MARCO: variants seen among roughly 807,000 people sequenced by gnomAD.
The protein encoded by MARCO is macrophage receptor with collagenous structure.
MARCO carries 72 observed loss-of-function variants against 70.0 expected under a neutral mutation model. That is an observed-to-expected ratio of 1.03 (90% confidence interval 0.85 to 1.25). MARCO has a LOEUF of 1.25. MARCO is among the 50% of genes most tolerant of loss of function. The pLI is 0.00. For synonymous variants in MARCO, 273 were observed against 243.1 expected, an observed-to-expected ratio of 1.12 and a Z score of -1.14; for missense variants, 696 against 659.3, an observed-to-expected ratio of 1.06 and a Z score of -0.61.
chr2:118,972,612 C>T (rs1680194383), intron 4 of MARCO, among the ~76,000 whole-genome samples: 1 of 152,128 alleles, frequency 6.6e-6, no homozygotes, highest in African/African-American at 2.4e-5. Context: ...ACCTCTTAGT[C>T]CAGTGTCCAG....
In MARCO at chr2:118,977,522, T is replaced by A. The variant is rs1381338809; in HGVS notation, c.658+7T>A. On this transcript the variant is annotated splice_region_variant and intron_variant, in intron 7 of 16. Transcript: ENST00000327097. ...GGGAAGCAAGGAGCCACTGGTAACTTGTACTTGCTCTGCTAGGGACAAATG... is the reference window on the plus strand; with the variant it reads ...GGGAAGCAAGGAGCCACTGGTAACTAGTACTTGCTCTGCTAGGGACAAATG... 4 of 1,613,586 alleles carry A rather than the reference T, an allele frequency of 2.5e-6. No individual in the cohort carries two copies. The South Asian group carries it at 4.4e-5, about 18-fold the overall frequency.
chr2:118,974,053 C>T (rs1208089885), intron 4 of MARCO, among the ~76,000 whole-genome samples: 5 of 152,146 alleles, frequency 3.3e-5, no homozygotes, highest in Non-Finnish European at 7.3e-5. Context: ...GATGAGGGAG[C>T]TGAGGCTCAA....
intron 1 of MARCO, among the ~76,000 whole-genome samples, chr2:118,967,452 C>T (rs1318139200): frequency 6.6e-6 from 1 of 152,072 alleles, no homozygotes; most frequent in East Asian, 1.9e-4. Context: ...AGCAGTGAGC[C>T]CCCACTGAAG....
intron 5 of MARCO, 27 bp from the exon 6 acceptor site, chr2:118,974,494 T>C: frequency 6.2e-7 from 1 of 1,613,808 alleles, no homozygotes; most frequent in Non-Finnish European, 8.5e-7. Flanking sequence ...TTCTCTGGCT[T>C]CACTCTGAAT....
At chr2:118,949,882 A>G (rs1333756309) in intron 1 of MARCO, 1 of 152,172 alleles carries the variant, frequency 6.6e-6, no homozygotes, top group African/African-American at 2.4e-5. Flanking sequence ...GCTGATGCTG[A>G]TGTACTGGAA....
rs781463416 is a variant in MARCO at position 118,969,259 on chromosome 2, A to G, written c.197A>G (p.Gln66Arg). 1 of 1,613,840 alleles carries G rather than the reference A, an allele frequency of 6.2e-7. No homozygotes were observed. The highest frequency in any genetic ancestry group is 1.1e-5 in the South Asian group (1 of 91,062). The change falls in exon 2 of 17, where the codon CAA becomes CGA. Residue 66 changes from glutamine to arginine, a missense_variant and splice_region_variant. Around this residue, in one of 3 missense-constraint regions of MARCO, gnomAD observed 605 missense variants for 537.6 expected, o/e 1.13. Transcript: ENST00000327097. The stretch of plus-strand genomic sequence containing the variant: ...GCTGGCGCTGGGCTGCTGGTGGTCC[A>G]AGGTAAAGCAGGCTTGGTCCTGTGT... ...LTAGAGLLVVQVLNLQARLRV... is the reference protein window; with the variant it reads ...LTAGAGLLVVRVLNLQARLRV...
At chr2:118,945,404 C>CTTTTTTTT (rs55684033) in intron 1 of MARCO, among the ~76,000 whole-genome samples, 19 of 123,046 alleles carry the variant, frequency 1.5e-4, no homozygotes, top group East Asian at 2.4e-4. Flanking sequence ...CCTCTTGTTT[C>CTTTTTTTT]TTTTTTTTTT....
At chr2:118,951,757 G>T (rs2104551077) in intron 1 of MARCO, among the ~76,000 whole-genome samples, 1 of 152,252 alleles carries the variant, frequency 6.6e-6, no homozygotes, top group African/African-American at 2.4e-5. Flanking sequence ...AATGACTAGG[G>T]TACAGTTTTC....
chr2:118,953,141 G>C (rs1679757219), intron 1 of MARCO, among the ~76,000 whole-genome samples: 1 of 152,242 alleles, frequency 6.6e-6, no homozygotes, highest in Non-Finnish European at 1.5e-5. Context: ...TAAGTACAGG[G>C]AAGAGCAAAG....
chr2:118,978,113 A>G (rs1281897607), intron 8 of MARCO, among the ~76,000 whole-genome samples, 178 bp downstream of exon 8: 1 of 152,142 alleles, frequency 6.6e-6, no homozygotes, highest in Non-Finnish European at 1.5e-5. Flanking sequence ...GAGATGCAAT[A>G]TGAGAGGGAG....
Position 118,970,184 on chromosome 2 carries a change from C to G in MARCO, c.270C>G (p.Asp90Glu). The G allele has an allele frequency of 6.2e-7, 1 of 1,614,188 alleles. No homozygotes were observed. The change falls in exon 3 of 17, where the codon GAC becomes GAG. Residue 90 changes from aspartate to glutamate, a missense_variant. Coordinates refer to ENST00000327097, the MANE Select transcript of MARCO (RefSeq NM_006770.4). ...TCAATGACACTCTGGCGGCTGAGGACAGCCCGTCCTTCTCCTTGCTGCAGT... is the reference window on the plus strand; with the variant it reads ...TCAATGACACTCTGGCGGCTGAGGAGAGCCCGTCCTTCTCCTTGCTGCAGT... The part of the protein sequence containing the change: ...YFLNDTLAAE[D>E]SPSFSLLQSA...
chr2:118,977,680 C>T, intron 7 of MARCO, 148 bp from the exon 8 acceptor site: 5 of 732,322 alleles, frequency 6.8e-6, no homozygotes, highest in Non-Finnish European at 1.1e-5. Flanking sequence ...TTCTTCAAGA[C>T]CACCCAAGAA....
intron 6 of MARCO, among the ~76,000 whole-genome samples, chr2:118,975,527 T>C (rs1680262962): frequency 6.6e-6 from 1 of 152,200 alleles, no homozygotes; most frequent in African/African-American, 2.4e-5. Context: ...AGCCTATTGA[T>C]CTGTGTCCAG....
At chr2:118,964,176 A>G (rs905515130) in intron 1 of MARCO, among the ~76,000 whole-genome samples, 1 of 152,188 alleles carries the variant, frequency 6.6e-6, no homozygotes, top group African/African-American at 2.4e-5. Flanking sequence ...TCCACTTTTT[A>G]AATATAATTG....
intron 1 of MARCO, chr2:118,952,947 GGGTGC>G (rs2104552938): frequency 6.6e-6 from 1 of 152,348 alleles, no homozygotes; most frequent in South Asian, 2.1e-4. Flanking sequence ...TCTGCAGAAA[GGGTGC>G]TCAATTGCAG....
intron 1 of MARCO, among the ~76,000 whole-genome samples, chr2:118,956,893 G>A (rs1679847705): frequency 6.6e-6 from 1 of 152,000 alleles, no homozygotes; most frequent in African/African-American, 2.4e-5. Flanking sequence ...ACTGAATGAG[G>A]ATTGGGTCAA....
intron 10 of MARCO, 63 bp downstream of exon 10, chr2:118,981,719 G>A (rs1680396155): frequency 6.8e-7 from 1 of 1,477,660 alleles, no homozygotes; most frequent in African/African-American, 1.4e-5. Context: ...AGTGAAGCTG[G>A]GGACCAGACA....
At chr2:118,972,163 C>A (rs565230855) in intron 4 of MARCO, among the ~76,000 whole-genome samples, 19 of 152,304 alleles carry the variant, frequency 1.2e-4, no homozygotes, top group African/African-American at 4.6e-4. Flanking sequence ...AGTGCAAAAG[C>A]TGTCTGACAA....
At chr2:118,974,082 A>C (rs1305992837) in intron 4 of MARCO, among the ~76,000 whole-genome samples, 1 of 152,106 alleles carries the variant, frequency 6.6e-6, no homozygotes, top group Non-Finnish European at 1.5e-5. Flanking sequence ...TGTAACTTGC[A>C]CAAGGTCACC....
Sources: gnomAD v4.1 joint callset for allele counts (sites outside exome capture counted in the v4.1 genomes callset) on GRCh38, gnomAD v4.1.1 for gene constraint, gnomAD v4.1.1 regional missense constraint, MANE v1.5 for transcripts, NCBI Gene and HGNC (gene_info 2026-07-23, HGNC 2026-07-21) for gene names.